TOP3B: variants seen among roughly 807,000 people sequenced by gnomAD.
TOP3B encodes the protein DNA topoisomerase III beta, also known as DNA topoisomerase 3-beta-1.
TOP3B carries 45 observed loss-of-function variants against 93.9 expected under a neutral mutation model. The ratio of observed to expected loss-of-function variants is 0.48; its 90% confidence interval spans 0.38 to 0.61. TOP3B has a LOEUF of 0.61. TOP3B is among the 20% of genes least tolerant of loss of function. The pLI is 0.00. For missense variants in TOP3B, 750 were observed against 1,156.1 expected, an observed-to-expected ratio of 0.65 and a Z score of 5.09; for synonymous variants, 357 against 472.6, an observed-to-expected ratio of 0.76 and a Z score of 3.17.
At chr22:21,968,515 T>G in intron 7 of TOP3B, 104 bp downstream of exon 7, 1 of 1,468,044 alleles carries the variant, frequency 6.8e-7, no homozygotes, top group Non-Finnish European at 9.3e-7. Flanking sequence ...CGTCCACACT[T>G]CTGCCCTCAG....
At position 21,963,894 on chromosome 22, in the gene TOP3B, G is replaced by A; in HGVS notation, c.1204+29C>T. 1 of 1,608,984 alleles carries A rather than the reference G, an allele frequency of 6.2e-7. No homozygotes were observed. Among genetic ancestry groups the A allele is most frequent in the African/African-American group, 1.3e-5 (1 of 74,940 alleles). ...GCAGCTCGCCCTTCCCTCCCTGGAAGCACACCGGGTATGGGATGAGAGCGG... is the reference window on the plus strand; with the variant it reads ...GCAGCTCGCCCTTCCCTCCCTGGAAACACACCGGGTATGGGATGAGAGCGG... On this transcript the variant is annotated intron_variant, in intron 11 of 17. Transcript: ENST00000357179. This position sits in a 1 kb window ranked among gnomAD's most constrained non-coding sequence, Gnocchi z 4.8.
intron 1 of TOP3B, among the ~76,000 whole-genome samples, chr22:21,979,800 G>C (rs546088434): frequency 2.2e-4 from 33 of 152,036 alleles, no homozygotes; most frequent in African/African-American, 7.5e-4. Flanking sequence ...AATTAGCTGG[G>C]CATGGTGGCA....
intron 6 of TOP3B, chr22:21,969,005 A>G (rs556300223): frequency 3.8e-6 from 2 of 529,756 alleles, no homozygotes; most frequent in African/African-American, 3.8e-5. Context: ...CTACTGTCTC[A>G]GGCCAGGGAG....
At chr22:21,959,064 G>A (rs2071051507) in intron 16 of TOP3B, 68 bp downstream of exon 16, 3 of 1,575,046 alleles carry the variant, frequency 1.9e-6, no homozygotes, top group Non-Finnish European at 2.6e-6. Flanking sequence ...GATTCCTGCT[G>A]ATCAACGATA....
At chr22:21,962,046 A>C in intron 13 of TOP3B, 1 of 1,069,236 alleles carries the variant, frequency 9.4e-7, no homozygotes, top group Non-Finnish European at 1.2e-6. Flanking sequence ...GTGAGATCTC[A>C]TTTCCCTGTC....
Position 21,968,726 on chromosome 22 carries a change from G to C in TOP3B, c.631C>G (p.Leu211Val). 3 of 1,614,210 alleles carry C rather than the reference G, an allele frequency of 1.9e-6. No individual in the cohort carries two copies. Among genetic ancestry groups the C allele is most frequent in the African/African-American group, 1.3e-5 (1 of 75,050 alleles). Residue 211 changes from leucine to valine, a missense_variant, in exon 7 of 18, where the codon CTC becomes GTC. Physicochemically the swap from Leu to Val is conservative, Grantham distance 32. Around this residue, in one of 4 missense-constraint regions of TOP3B, gnomAD observed 737 missense variants for 933.7 expected, o/e 0.79. Transcript: ENST00000357179. ...QGKYGDLDSS[L>V]ISFGPCQTPT... ...GTCTGACACGGCCCAAAGGAGATGA[G>C]AGAGCTGTCTAAATCACCGTATTTC...
In TOP3B at chr22:21,975,668, T is replaced by C. The variant is rs767339138; in HGVS notation, c.42A>G (p.Ala14=). The C allele has an allele frequency of 1.7e-5, 27 of 1,612,340 alleles. No homozygotes were observed. The Admixed American group carries it at 4.3e-4, about 26-fold the overall frequency. The change falls in exon 2 of 18, where the codon GCA becomes GCG. Residue 14 remains alanine (A), a synonymous_variant. Transcript: ENST00000357179. The part of the protein sequence containing the change: ...VLMVAEKPSL[A]QSIAKILSRG... The stretch of plus-strand genomic sequence containing the variant: ...TAGAGAGGATTTTGGCAATTGACTG[T>C]GCCAAGGACGGCTTTTCAGCAACCA...
chr22:21,974,587 C>G (rs2145874564), intron 2 of TOP3B, 99 bp from the exon 3 acceptor site: 1 of 1,355,390 alleles, frequency 7.4e-7, no homozygotes, highest in Non-Finnish European at 1.0e-6. Flanking sequence ...GGCCAGAGTC[C>G]TCCTTCCCCA....
intron 1 of TOP3B, among the ~76,000 whole-genome samples, chr22:21,981,946 T>A (rs2084640756): frequency 6.6e-6 from 1 of 152,212 alleles, no homozygotes; most frequent in South Asian, 2.1e-4. Context: ...CAACCATTTC[T>A]TAAGCTCCTC....
chr22:21,958,992 A>G, intron 16 of TOP3B, 140 bp downstream of exon 16: 1 of 1,305,748 alleles, frequency 7.7e-7, no homozygotes, highest in Non-Finnish European at 1.0e-6. Context: ...GACACTGGGT[A>G]TTTTTTGGCA....
chr22:21,962,355 C>T, intron 13 of TOP3B, 74 bp downstream of exon 13: 2 of 1,605,514 alleles, frequency 1.2e-6, no homozygotes, highest in Non-Finnish European at 1.7e-6. Context: ...GCTGGCGGGG[C>T]AGCTTTGTGA....
chr22:21,964,327 A>G lies in TOP3B; in HGVS notation c.944-12T>C, dbSNP rs761726450. On this transcript the variant is annotated splice_polypyrimidine_tract_variant and intron_variant, in intron 9 of 17. Transcript: ENST00000357179. ...CTGCGGCCCCATGCCTGCGAGAGACAGGAGGTTCTCAGAGGGCCAGGTACG... is the reference window on the plus strand; with the variant it reads ...CTGCGGCCCCATGCCTGCGAGAGACGGGAGGTTCTCAGAGGGCCAGGTACG... 1 of 1,612,810 alleles carries G rather than the reference A, an allele frequency of 6.2e-7. No individual in the cohort carries two copies. Among genetic ancestry groups the G allele is most frequent in the South Asian group, 1.1e-5 (1 of 91,068 alleles).
At chr22:21,966,161 A>T (rs997482879) in intron 8 of TOP3B, 1 of 152,086 alleles carries the variant, frequency 6.6e-6, no homozygotes, top group Admixed American at 6.6e-5. Context: ...TCAGCTTCTC[A>T]AAGTGCTAGG....
chr22:21,971,000 A>G lies in TOP3B; in HGVS notation c.385-594T>C. On this transcript the variant is annotated intron_variant, in intron 5 of 17. Coordinates refer to ENST00000357179, the MANE Select transcript of TOP3B (RefSeq NM_001282112.2). The surrounding 1 kb of genome is among the most constrained non-coding windows in gnomAD (Gnocchi z 4.4). Reference sequence around the variant, plus strand: ...CTCACTAGGAAGGCCGTGCAGTGGGACTAGGGTCGCCGCCGGAGCCTGGCC... The same window carrying G: ...CTCACTAGGAAGGCCGTGCAGTGGGGCTAGGGTCGCCGCCGGAGCCTGGCC... 7.7e-7 allele frequency: 1 copy of G among 1,294,686 alleles called. No homozygotes were observed. The highest frequency in any genetic ancestry group is 1.0e-6 in the Non-Finnish European group (1 of 984,138). The allele number at this position is 1,294,686 out of a possible 1,614,324, so 80.2% of individuals were successfully genotyped here.
rs1326852182 is a variant in TOP3B at position 21,971,551 on chromosome 22, C to A, written c.384+326G>T. 1 of 391,524 alleles carries A rather than the reference C, an allele frequency of 2.6e-6. No homozygotes were observed. The highest frequency in any genetic ancestry group is 4.9e-6 in the Non-Finnish European group (1 of 204,998). 24.3% of individuals were successfully genotyped at this position (391,524 alleles called of 1,614,324 possible). ...AACCCAAGGTCCCTGAGAAGTCACG[C>A]TGGGCACAAGATGCTGAACACCAAG... On this transcript the variant is annotated intron_variant, in intron 5 of 17. Transcript: ENST00000357179. The surrounding 1 kb of genome is among the most constrained non-coding windows in gnomAD (Gnocchi z 4.6).
At chr22:21,958,744 G>T in intron 16 of TOP3B, 51 bp from the exon 17 acceptor site, 1 of 1,532,654 alleles carries the variant, frequency 6.5e-7, no homozygotes, top group Non-Finnish European at 8.8e-7. Flanking sequence ...CCACCGACTT[G>T]GCACCCACCC....
Position 21,957,228 on chromosome 22 carries a change from A to G in TOP3B, c.2475T>C (p.Gly825=). The G allele has an allele frequency of 6.7e-7, 1 of 1,495,786 alleles. No individual in the cohort carries two copies. The allele number at this position is 1,495,786 out of a possible 1,614,324, so 92.7% of individuals were successfully genotyped here. A position where few individuals can be genotyped will look rare whatever the true frequency, so the allele number is the denominator to read the frequency against. ...CTCGACCCTGCCTTCTCCCTGGTCC[A>G]CCGCGGTGCATGGGGTGGCAGGAGG... ...HAASCHPMHR[G]GPGRRQGRGR... The change falls in exon 18 of 18, where the codon GGT becomes GGC. Residue 825 remains glycine (G), a synonymous_variant. Coordinates refer to ENST00000357179, the MANE Select transcript of TOP3B (RefSeq NM_001282112.2).
chr22:21,967,679 C>G lies in TOP3B; in HGVS notation c.776G>C (p.Trp259Ser), dbSNP rs1455674983. ...CCGGTCAAACACTCTTACTCGGTCC[C>G]AGTCCAAAAGGAGAGATCTGTCTTT... ...TDKDRSLLLD[W>S]DRVRVFDREI... The change falls in exon 8 of 18, where the codon TGG becomes TCG. Residue 259 changes from tryptophan to serine, a missense_variant. By Grantham distance (177) the Trp-to-Ser change is radical. This residue lies in a region of TOP3B where 737 missense variants were observed against 933.7 expected (regional missense o/e 0.79). Coordinates refer to ENST00000357179, the MANE Select transcript of TOP3B (RefSeq NM_001282112.2). 3.1e-6 allele frequency: 5 copies of G among 1,614,010 alleles called. No homozygotes were observed. The highest frequency in any genetic ancestry group is 4.2e-6 in the Non-Finnish European group (5 of 1,180,018).
At position 21,975,738 on chromosome 22, in the gene TOP3B, C is replaced by T. The variant is rs769982606; in HGVS notation, c.-29G>A. ...GTCTCGGTCCTTCACACTCCAGTTTCGGGGCACTGGCAATGAAAAAGTTTA... is the reference window on the plus strand; with the variant it reads ...GTCTCGGTCCTTCACACTCCAGTTTTGGGGCACTGGCAATGAAAAAGTTTA... On this transcript the variant is annotated 5_prime_UTR_variant, in exon 2 of 18. Coordinates refer to ENST00000357179, the MANE Select transcript of TOP3B (RefSeq NM_001282112.2). 9 of 1,591,040 alleles carry T rather than the reference C, an allele frequency of 5.7e-6. No homozygotes were observed. Among genetic ancestry groups the T allele is most frequent in the East Asian group, 2.3e-5 (1 of 44,370 alleles).
Sources: allele counts gnomAD v4.1 joint callset (sites outside exome capture counted in the v4.1 genomes callset), GRCh38; gene constraint gnomAD v4.1.1; regional missense constraint gnomAD v4.1.1; non-coding constraint Gnocchi (gnomAD v3.1); transcripts MANE v1.5; gene names NCBI Gene and HGNC (gene_info 2026-07-23, HGNC 2026-07-21).